The following POLR3G variants were observed in gnomAD, a reference collection of about 807,000 sequenced individuals.
POLR3G encodes DNA-directed RNA polymerase III subunit RPC7.
Under a neutral mutation model 30.1 loss-of-function variants are expected in POLR3G, and 28 were observed. That is an observed-to-expected ratio of 0.93 (90% CI 0.69 to 1.27). The LOEUF (loss-of-function observed/expected upper bound fraction) is 1.27, where lower values mean the gene tolerates loss of function less well. POLR3G is among the 50% of genes most tolerant of loss of function. POLR3G has a pLI of 0.00. For synonymous variants in POLR3G, 79 were observed against 82.5 expected (o/e 0.96, Z 0.23); for missense variants, 254 against 264.6 (o/e 0.96, Z 0.28).
intron 1 of POLR3G, among the ~76,000 whole-genome samples, chr5:90,476,867 C>G (rs1414754338): frequency 6.6e-6 from 1 of 152,168 alleles, no homozygotes; most frequent in African/African-American, 2.4e-5. Flanking sequence ...ACAATAGCAT[C>G]CATGTTTCCT....
At chr5:90,503,837 C>T (rs891308300) in intron 6 of POLR3G, among the ~76,000 whole-genome samples, 11 of 152,136 alleles carry the variant, frequency 7.2e-5, no homozygotes, top group Admixed American at 2.0e-4. Flanking sequence ...CTTATTTCTG[C>T]ATAACAGGAG....
upstream of POLR3G, chr5:90,474,476 T>A: frequency 1.6e-6 from 1 of 606,706 alleles, no homozygotes; most frequent in Non-Finnish European, 2.9e-6. Context: ...AGACCGACGC[T>A]GCCCGTAGCG....
intron 1 of POLR3G, among the ~76,000 whole-genome samples, chr5:90,476,264 G>C (rs1229270444): frequency 6.6e-6 from 1 of 152,162 alleles, no homozygotes; most frequent in Non-Finnish European, 1.5e-5. Flanking sequence ...CGGTTACTCA[G>C]CTGGGGGCTT....
chr5:90,477,750 C>T (rs972282365), intron 1 of POLR3G, among the ~76,000 whole-genome samples: 1 of 152,092 alleles, frequency 6.6e-6, no homozygotes, highest in African/African-American at 2.4e-5. Flanking sequence ...TTGGACGAAA[C>T]GCGCAAAGCA....
chr5:90,500,941 AACTG>A (rs1263619561), intron 5 of POLR3G, among the ~76,000 whole-genome samples: 3 of 152,172 alleles, frequency 2.0e-5, no homozygotes, highest in East Asian at 1.9e-4. Context: ...TTGCTTCGGT[AACTG>A]ACTGGCAGAA....
At chr5:90,485,955 T>C (rs1280109968) in intron 2 of POLR3G, among the ~76,000 whole-genome samples, 1 of 152,240 alleles carries the variant, frequency 6.6e-6, no homozygotes, top group Non-Finnish European at 1.5e-5. Context: ...ATTGGTGTTA[T>C]TGATAAATTC....
chr5:90,498,519 T>C (rs1363701941), intron 5 of POLR3G, among the ~76,000 whole-genome samples: 3 of 152,188 alleles, frequency 2.0e-5, no homozygotes, highest in African/African-American at 7.2e-5. Context: ...AGTGAGAACA[T>C]GCAATATTTG....
intron 6 of POLR3G, among the ~76,000 whole-genome samples, chr5:90,506,014 C>A (rs1312880230): frequency 6.6e-6 from 1 of 152,064 alleles, no homozygotes; most frequent in East Asian, 1.9e-4. Flanking sequence ...GTGGGCAGAT[C>A]TCTTGAGACC....
chr5:90,499,699 C>A (rs1284514693), intron 5 of POLR3G, among the ~76,000 whole-genome samples: 1 of 152,086 alleles, frequency 6.6e-6, no homozygotes, highest in Non-Finnish European at 1.5e-5. Flanking sequence ...CGTTTTAACA[C>A]CTTTATTGAG....
intron 6 of POLR3G, among the ~76,000 whole-genome samples, chr5:90,506,003 G>A (rs1206136397): frequency 6.6e-6 from 1 of 152,132 alleles, no homozygotes; most frequent in Non-Finnish European, 1.5e-5. Context: ...GGGAGGCTAA[G>A]GTGGGCAGAT....
rs1752784613 is a variant in POLR3G at position 90,512,393 on chromosome 5, T to A, written c.*254T>A. ...TACTCTCATGGGTTTTTTTGTATGA[T>A]TTGAATATGAATGTGCCTAAAGAAT... is the stretch of plus-strand genomic sequence containing the variant. On this transcript the variant is annotated 3_prime_UTR_variant, in exon 8 of 8. Transcript: ENST00000651687. The A allele has an allele frequency of 2.8e-6, 1 of 353,970 alleles. No individual in the cohort carries two copies. Among genetic ancestry groups the A allele is most frequent in the Non-Finnish European group, 5.3e-6 (1 of 188,762 alleles). The allele number at this position is 353,970 out of a possible 1,614,324, so 21.9% of individuals were successfully genotyped here. A position where few individuals can be genotyped will look rare whatever the true frequency, so the allele number is the denominator to read the frequency against.
At chr5:90,502,617 A>G (rs1004013826) in intron 6 of POLR3G, among the ~76,000 whole-genome samples, 4 of 152,208 alleles carry the variant, frequency 2.6e-5, no homozygotes, top group Middle Eastern at 3.4e-3. Context: ...TTCCCTTCCT[A>G]TAGACAACCA....
At chr5:90,476,918 A>G (rs540625548) in intron 1 of POLR3G, among the ~76,000 whole-genome samples, 1 of 152,224 alleles carries the variant, frequency 6.6e-6, no homozygotes, top group South Asian at 2.1e-4. Context: ...TTCCTATAAA[A>G]TATATTTTGT....
chr5:90,504,342 T>C (rs1027793124), intron 6 of POLR3G, among the ~76,000 whole-genome samples: 5 of 150,980 alleles, frequency 3.3e-5, no homozygotes, highest in African/African-American at 9.9e-5. Context: ...GGGTGGATCA[T>C]GAGGTCAGGA....
chr5:90,477,408 C>T (rs1044738904), intron 1 of POLR3G, among the ~76,000 whole-genome samples: 4 of 152,048 alleles, frequency 2.6e-5, no homozygotes, highest in South Asian at 4.1e-4. Flanking sequence ...AGGGAGAATC[C>T]GGCCACAGGA....
intron 3 of POLR3G, among the ~76,000 whole-genome samples, chr5:90,494,764 A>G (rs942153538): frequency 1.3e-5 from 2 of 151,886 alleles, no homozygotes; most frequent in Non-Finnish European, 2.9e-5. Context: ...CTGTTCTTTT[A>G]TCTGTTATCT....
At chr5:90,487,084 G>A (rs188764980) in intron 2 of POLR3G, among the ~76,000 whole-genome samples, 3 of 152,220 alleles carry the variant, frequency 2.0e-5, no homozygotes, top group Admixed American at 2.0e-4. Flanking sequence ...ATATGTATGT[G>A]TGTGTATAAT....
chr5:90,480,668 C>T (rs1178597577), intron 1 of POLR3G, among the ~76,000 whole-genome samples: 4 of 152,154 alleles, frequency 2.6e-5, no homozygotes, highest in Non-Finnish European at 4.4e-5. Context: ...TGAAGAAAGC[C>T]TAGGACTCTA....
chr5:90,476,710 C>A (rs898829037), intron 1 of POLR3G, among the ~76,000 whole-genome samples: 1 of 152,142 alleles, frequency 6.6e-6, no homozygotes, highest in Non-Finnish European at 1.5e-5. Context: ...TCCAAGGAGA[C>A]CTTCACACTT....
Sources: allele counts gnomAD v4.1 joint callset (sites outside exome capture counted in the v4.1 genomes callset), GRCh38; gene constraint gnomAD v4.1.1; transcripts MANE v1.5; gene names NCBI Gene and HGNC (gene_info 2026-07-23, HGNC 2026-07-21).